Variants in RTN1 observed in about 807,000 individuals in gnomAD.
RTN1 encodes reticulon-1.
Under a neutral mutation model 65.5 loss-of-function variants are expected in RTN1, and 25 were observed. The ratio of observed to expected loss-of-function variants is 0.38; its 90% CI spans 0.28 to 0.53. The LOEUF (loss-of-function observed/expected upper bound fraction) is 0.53, where lower values mean the gene tolerates loss of function less well. Ranked by LOEUF, RTN1 falls within the 20% of genes least tolerant of loss-of-function variation. The pLI is 0.79. For missense variants in RTN1, 983 were observed against 1,025.4 expected (o/e 0.96, Z 0.57); for synonymous variants, 471 against 447.6 (o/e 1.05, Z -0.66).
chr14:59,630,941 G>T, intron 3 of RTN1: 1 of 632,418 alleles, frequency 1.6e-6, no homozygotes, highest in Non-Finnish European at 2.0e-6. Context: ...CAGAATATGC[G>T]AGGTGCATAT....
chr14:59,596,819 A>G (rs763667420), intron 8 of RTN1, 32 bp from the exon 9 acceptor site: 1 of 1,570,176 alleles, frequency 6.4e-7, no homozygotes, highest in Non-Finnish European at 8.8e-7. Context: ...GTAGTAAATC[A>G]CAAGTGTTAT....
intron 3 of RTN1, among the ~76,000 whole-genome samples, chr14:59,608,218 T>C (rs1881829195): frequency 6.6e-6 from 1 of 152,220 alleles, no homozygotes; most frequent in Non-Finnish European, 1.5e-5. Context: ...CAACTGGGTA[T>C]GTGACAAATG....
intron 5 of RTN1, chr14:59,604,400 G>C (rs1881677244): frequency 6.5e-6 from 1 of 154,022 alleles, no homozygotes; most frequent in African/African-American, 2.4e-5. Context: ...GCCACAGATG[G>C]TGTGGCTTGC....
intron 5 of RTN1, 36 bp downstream of exon 5, chr14:59,605,332 T>C (rs1181810016): frequency 1.9e-6 from 3 of 1,597,268 alleles, no homozygotes; most frequent in African/African-American, 1.3e-5. Context: ...AAAATAACAG[T>C]CAAGACTGTG....
At chr14:59,642,823 C>T (rs192279355) in intron 3 of RTN1, among the ~76,000 whole-genome samples, 1 of 152,034 alleles carries the variant, frequency 6.6e-6, no homozygotes, top group Non-Finnish European at 1.5e-5. Flanking sequence ...GATTGTTGGT[C>T]TCATGTTTTT....
chr14:59,712,653 G>A (rs1227680885), intron 3 of RTN1, among the ~76,000 whole-genome samples: 1 of 152,166 alleles, frequency 6.6e-6, no homozygotes, highest in Non-Finnish European at 1.5e-5. Flanking sequence ...CGGGCGTGGT[G>A]GCTCACACCT....
At chr14:59,759,167 G>A (rs1361893472) in intron 1 of RTN1, among the ~76,000 whole-genome samples, 1 of 152,186 alleles carries the variant, frequency 6.6e-6, no homozygotes, top group African/African-American at 2.4e-5. Flanking sequence ...AGTTTCTTTA[G>A]GTCATCTAAT....
At chr14:59,686,123 G>T (rs1159566665) in intron 3 of RTN1, among the ~76,000 whole-genome samples, 2 of 152,142 alleles carry the variant, frequency 1.3e-5, no homozygotes, top group Non-Finnish European at 2.9e-5. Context: ...TCCACAGGCA[G>T]AAAAGTGGAA....
intron 3 of RTN1, among the ~76,000 whole-genome samples, chr14:59,685,957 T>C (rs1883838633): frequency 6.6e-6 from 1 of 152,212 alleles, no homozygotes; most frequent in Admixed American, 6.5e-5. Flanking sequence ...TGCATGGTAC[T>C]GGCATAAAAA....
intron 2 of RTN1, among the ~76,000 whole-genome samples, chr14:59,744,683 G>A (rs766717446): frequency 6.6e-6 from 1 of 152,110 alleles, no homozygotes; most frequent in African/African-American, 2.4e-5. Context: ...GGGAAGGGAG[G>A]AGTTTGCTTT....
intron 3 of RTN1, among the ~76,000 whole-genome samples, chr14:59,686,175 CA>C (rs1883843448): frequency 6.6e-6 from 1 of 152,196 alleles, no homozygotes; most frequent in South Asian, 2.1e-4. Context: ...AGTCAAAATA[CA>C]TTAAAGACTT....
At position 59,630,131 on chromosome 14, in the gene RTN1, C is replaced by T. The variant is rs183752465; in HGVS notation, c.1766-22639G>A. On this transcript the variant is annotated intron_variant, in intron 3 of 8. Transcript: ENST00000267484. ...CACTTTAACTCCGGGGATGAGAAAA[C>T]ATTAAACAAGTACTGAATGATGCAC... Among the ~76,000 whole-genome samples, 3 of 142,500 alleles carry T rather than the reference C, an allele frequency of 2.1e-5. No homozygotes were observed. The Admixed American group carries it at 2.2e-4, about 10-fold the overall frequency. 93.5% of individuals were successfully genotyped at this position (142,500 alleles called of 152,430 possible). A position where few individuals can be genotyped will look rare whatever the true frequency, so the allele number is the denominator to read the frequency against.
chr14:59,621,234 G>C (rs945509257), intron 3 of RTN1, among the ~76,000 whole-genome samples: 1 of 152,130 alleles, frequency 6.6e-6, no homozygotes, highest in Admixed American at 6.5e-5. Context: ...TACCCCCAGT[G>C]GTCTTCTGGT....
At chr14:59,746,903 G>A (rs965711823) in intron 1 of RTN1, among the ~76,000 whole-genome samples, 30 of 152,178 alleles carry the variant, frequency 2.0e-4, no homozygotes, top group African/African-American at 6.8e-4. Flanking sequence ...TGCAACAATA[G>A]GATAGCTGAC....
intron 1 of RTN1, among the ~76,000 whole-genome samples, chr14:59,856,018 T>C (rs369965125): frequency 1.3e-5 from 2 of 152,214 alleles, no homozygotes; most frequent in East Asian, 3.8e-4. Context: ...GTGGGTGTTT[T>C]TTGTCTGTGC....
At chr14:59,749,508 T>C (rs1296685283) in intron 1 of RTN1, among the ~76,000 whole-genome samples, 1 of 37,902 alleles carries the variant, frequency 2.6e-5, no homozygotes, top group Non-Finnish European at 4.2e-5. Context: ...TATCTATATA[T>C]AGATATCTAT....
At chr14:59,796,756 T>C (rs1019638154) in intron 1 of RTN1, among the ~76,000 whole-genome samples, 2 of 152,146 alleles carry the variant, frequency 1.3e-5, no homozygotes, top group African/African-American at 4.8e-5. Context: ...ACAGTAGAGG[T>C]ACTCCTTCCA....
intron 3 of RTN1, among the ~76,000 whole-genome samples, chr14:59,678,788 C>A (rs1191769797): frequency 1.3e-5 from 2 of 152,306 alleles, no homozygotes; most frequent in East Asian, 1.9e-4. Flanking sequence ...AAAGCGTGAC[C>A]ACAGACCACC....
Position 59,666,375 on chromosome 14 carries a change from A to G in RTN1, c.1766-58883T>C, listed in dbSNP as rs560878318. On this transcript the variant is annotated intron_variant, in intron 3 of 8. Transcript: ENST00000267484. ...TAACAAAATGAAGGCAGAAATAAAG[A>G]TGTTCTTTGAAACCAATGAGAACAA... 7.2e-5 allele frequency among the ~76,000 whole-genome samples: 11 copies of G among 152,292 alleles called. No homozygotes were observed. The East Asian group carries it at 2.1e-3, about 29-fold the overall frequency.
Sources: gnomAD v4.1 joint callset for allele counts (sites outside exome capture counted in the v4.1 genomes callset) on GRCh38, gnomAD v4.1.1 for gene constraint, MANE v1.5 for transcripts, NCBI Gene and HGNC (gene_info 2026-07-23, HGNC 2026-07-21) for gene names.